GPR19: variants seen among roughly 807,000 people sequenced by gnomAD.
GPR19 encodes the protein G protein-coupled receptor 19, also known as probable G protein-coupled receptor 19.
A neutral mutation model predicts 28.5 loss-of-function variants in GPR19; 14 were observed. The ratio of observed to expected loss-of-function variants is 0.49; its 90% CI spans 0.32 to 0.77. GPR19 has a LOEUF of 0.77. GPR19 is among the 30% of genes least tolerant of loss of function. The probability of loss-of-function intolerance (pLI) is 0.03; values close to 1 mark genes in which losing one functional copy is unlikely to be tolerated. For missense variants in GPR19, 409 were observed against 504.1 expected, an observed-to-expected ratio of 0.81 and a Z score of 1.81; for synonymous variants, 173 against 184.1, an observed-to-expected ratio of 0.94 and a Z score of 0.49.
chr12:12,689,236 A>T (rs1020830881), intron 2 of GPR19, among the ~76,000 whole-genome samples: 1 of 152,156 alleles, frequency 6.6e-6, no homozygotes, highest in African/African-American at 2.4e-5. Flanking sequence ...CACGACCCAA[A>T]CACCTCCCAC....
At chr12:12,677,746 A>AG (rs1371776606) in intron 3 of GPR19, among the ~76,000 whole-genome samples, 8 of 151,998 alleles carry the variant, frequency 5.3e-5, no homozygotes, top group Non-Finnish European at 1.0e-4. Context: ...TTCTTAATTC[A>AG]ATCCTCTCTG....
rs147543699 is a variant in GPR19, at chr12:12,694,188, C to CTTTTTTTTT, written c.-180+1262_-180+1270dup. ...TGTGTGGGCATGGTAGAGTACCTGT[C>CTTTTTTTTT]TTTTTTTTTTTTTTTTTTTTTTTTT... On this transcript the variant is annotated intron_variant, in intron 2 of 3. Transcript: ENST00000651487. 5.8e-3 allele frequency among the ~76,000 whole-genome samples: 254 copies of CTTTTTTTTT among 43,848 alleles called. 38 individuals carry two copies. Among genetic ancestry groups the CTTTTTTTTT allele is most frequent in the Middle Eastern group, 0.02 (1 of 50 alleles). The allele number at this position is 43,848 out of a possible 152,430, so 28.8% of individuals were successfully genotyped here.
At chr12:12,703,736 G>C in the GPR19 span, among the ~76,000 whole-genome samples, 1 of 152,114 alleles carries the variant, frequency 6.6e-6, no homozygotes, top group Non-Finnish European at 1.5e-5. Context: ...CCAGTGGCTT[G>C]GAGTTGGAGT....
At chr12:12,684,978 G>C (rs1946072275) in intron 2 of GPR19, 2 of 152,140 alleles carry the variant, frequency 1.3e-5, no homozygotes, top group African/African-American at 4.8e-5. Flanking sequence ...TGGGACAATG[G>C]AGCGTTCAGC....
At chr12:12,703,998 C>A in the GPR19 span, among the ~76,000 whole-genome samples, 978 of 152,276 alleles carry the variant, frequency 6.4e-3, 13 homozygotes, top group African/African-American at 0.022. Flanking sequence ...GTGAGTAAGT[C>A]ATAGAGACAG....
At chr12:12,697,541 T>G (rs529461930), upstream of GPR19, among the ~76,000 whole-genome samples, 1 of 152,356 alleles carries the variant, frequency 6.6e-6, no homozygotes, top group African/African-American at 2.4e-5. Context: ...TGTTAACAAT[T>G]TGGCAATTTT....
intron 2 of GPR19, chr12:12,685,213 A>ACCTACCTCCCTGTCCCCATC (rs2136332287): frequency 6.6e-6 from 1 of 150,446 alleles, no homozygotes; most frequent in African/African-American, 2.4e-5. Flanking sequence ...ACCATCCCAT[A>ACCTACCTCCCTGTCCCCATC]CCTACCTCCC....
intron 2 of GPR19, among the ~76,000 whole-genome samples, chr12:12,690,054 T>C (rs545978828): frequency 6.6e-6 from 1 of 152,366 alleles, no homozygotes; most frequent in East Asian, 1.9e-4. Context: ...AGTTAAGCTG[T>C]TCCCAAATTC....
chr12:12,697,172 A>AAAAAAAAG (rs1201700436), upstream of GPR19, among the ~76,000 whole-genome samples: 2 of 149,856 alleles, frequency 1.3e-5, no homozygotes, highest in Non-Finnish European at 3.0e-5. Context: ...AAAAAAAAAA[A>AAAAAAAAG]AAAAAGCAGC....
intron 2 of GPR19, among the ~76,000 whole-genome samples, chr12:12,692,433 A>C (rs1272116848): frequency 6.6e-6 from 1 of 151,072 alleles, no homozygotes; most frequent in Non-Finnish European, 1.5e-5. Context: ...GGGTTTTGCC[A>C]TGTTGCCCAG....
At chr12:12,665,976 G>T (rs74061738) in intron 3 of GPR19, among the ~76,000 whole-genome samples, 1,719 of 152,142 alleles carry the variant, frequency 0.011, 43 homozygotes, top group African/African-American at 0.038. Context: ...AGTTTTGCCC[G>T]GGTAAGGGGA....
chr12:12,685,919 CCTGA>C (rs1234589105), intron 2 of GPR19, among the ~76,000 whole-genome samples: 2 of 152,200 alleles, frequency 1.3e-5, no homozygotes, highest in African/African-American at 4.8e-5. Flanking sequence ...TAGAGCCACA[CCTGA>C]CTGTCGATGC....
At chr12:12,687,737 A>G (rs899564928) in intron 2 of GPR19, among the ~76,000 whole-genome samples, 1 of 152,380 alleles carries the variant, frequency 6.6e-6, no homozygotes, top group Middle Eastern at 3.4e-3. Flanking sequence ...TGCTTTCAAC[A>G]AAATTGGAAA....
At chr12:12,675,026 A>G (rs1290682102) in intron 3 of GPR19, among the ~76,000 whole-genome samples, 1 of 152,034 alleles carries the variant, frequency 6.6e-6, no homozygotes, top group East Asian at 1.9e-4. Flanking sequence ...TCTAAGGTAG[A>G]CCCTCCAGGA....
Position 12,687,965 on chromosome 12 carries a change from A to G in GPR19, c.-179-3458T>C, listed in dbSNP as rs561599315. 2.0e-5 allele frequency among the ~76,000 whole-genome samples: 3 copies of G among 152,200 alleles called. No homozygotes were observed. The South Asian group carries it at 6.4e-4, about 32-fold the overall frequency. On this transcript the variant is annotated intron_variant, in intron 2 of 3. Coordinates refer to ENST00000651487, the MANE Select transcript of GPR19 (RefSeq NM_006143.3). ...AGAGCTAGACTCCGTCTCTTAAAAA[A>G]AGAAAGTTCTTCTTTACAGAAAAAT...
the GPR19 span, among the ~76,000 whole-genome samples, chr12:12,716,418 A>G: frequency 6.6e-6 from 1 of 152,144 alleles, no homozygotes; most frequent in East Asian, 1.9e-4. Flanking sequence ...ACTCAGGTAG[A>G]GGAAACTGCT....
chr12:12,671,622 CAG>C (rs943438575), intron 3 of GPR19, among the ~76,000 whole-genome samples: 2 of 151,958 alleles, frequency 1.3e-5, no homozygotes, highest in Non-Finnish European at 2.9e-5. Context: ...TTTTTTTAAA[CAG>C]AGATGTTTTC....
intron 2 of GPR19, among the ~76,000 whole-genome samples, chr12:12,691,870 T>C (rs927802638): frequency 8.5e-5 from 13 of 152,184 alleles, no homozygotes; most frequent in Non-Finnish European, 7.3e-5. Context: ...ACTTGGGTGG[T>C]CCCATTACTT....
intron 3 of GPR19, among the ~76,000 whole-genome samples, chr12:12,680,625 G>A (rs564565727): frequency 5.3e-5 from 8 of 151,764 alleles, no homozygotes; most frequent in Non-Finnish European, 1.0e-4. Flanking sequence ...TCCTACCTCC[G>A]TCTCCCGAGG....
Sources: gnomAD v4.1 joint callset for allele counts (sites outside exome capture counted in the v4.1 genomes callset) on GRCh38, gnomAD v4.1.1 for gene constraint, MANE v1.5 for transcripts, NCBI Gene and HGNC (gene_info 2026-07-23, HGNC 2026-07-21) for gene names.